PDXDC1: variants seen among roughly 807,000 people sequenced by gnomAD.
The protein encoded by PDXDC1 is pyridoxal dependent decarboxylase domain containing 1.
In PDXDC1, 42 loss-of-function variants were observed where a neutral mutation model predicts 100.1. The ratio of observed to expected loss-of-function variants is 0.42; its 90% CI spans 0.33 to 0.54. The LOEUF (loss-of-function observed/expected upper bound fraction) is 0.54. PDXDC1 is among the 20% of genes least tolerant of loss of function. The pLI, the probability that PDXDC1 is intolerant of heterozygous loss-of-function variation, is 0.10. For missense variants in PDXDC1, 636 were observed against 979.2 expected (o/e 0.65, Z 4.68); for synonymous variants, 260 against 371.7 (o/e 0.70, Z 3.46).
intron 1 of PDXDC1, among the ~76,000 whole-genome samples, chr16:14,982,932 G>A (rs1968332485): frequency 6.6e-6 from 1 of 152,258 alleles, no homozygotes; most frequent in East Asian, 1.9e-4. Flanking sequence ...AGCTGTGGGA[G>A]GCAAGAGTAG....
chr16:15,073,407 T>C (rs1160863784), intron 16 of PDXDC1, among the ~76,000 whole-genome samples: 2 of 152,160 alleles, frequency 1.3e-5, no homozygotes, highest in African/African-American at 4.8e-5. Flanking sequence ...CAGTAAGCCA[T>C]GTTTGTGCGA....
intron 16 of PDXDC1, among the ~76,000 whole-genome samples, chr16:15,097,108 T>C (rs2046384182): frequency 6.6e-6 from 1 of 151,694 alleles, no homozygotes; most frequent in Non-Finnish European, 1.5e-5. Context: ...CAAATAACAC[T>C]TTTAAAAAAC....
intron 13 of PDXDC1, among the ~76,000 whole-genome samples, chr16:15,022,986 C>T (rs2042322389): frequency 6.6e-6 from 1 of 152,286 alleles, no homozygotes; most frequent in South Asian, 2.1e-4. Context: ...TGTTTAATTC[C>T]TATGGTGCTT....
At chr16:15,000,812 A>C (rs911994200) in intron 3 of PDXDC1, among the ~76,000 whole-genome samples, 1 of 151,546 alleles carries the variant, frequency 6.6e-6, no homozygotes, top group African/African-American at 2.4e-5. Context: ...CAAGATCCCT[A>C]TGGAGGAAAA....
intron 3 of PDXDC1, among the ~76,000 whole-genome samples, chr16:14,999,368 A>G (rs1160279016): frequency 6.6e-6 from 1 of 152,068 alleles, no homozygotes; most frequent in African/African-American, 2.4e-5. Flanking sequence ...CACCTGGCCA[A>G]AAATTTTTTA....
intron 16 of PDXDC1, chr16:15,133,808 G>C: frequency 6.3e-7 from 1 of 1,585,438 alleles, no homozygotes. Context: ...TGCATTCGAA[G>C]TGCACCTTGG....
At chr16:15,046,162 C>T (rs1175929823) in intron 16 of PDXDC1, 2 of 152,346 alleles carry the variant, frequency 1.3e-5, no homozygotes, top group Non-Finnish European at 1.5e-5. Flanking sequence ...CTGCATGGGT[C>T]ACGTGTCCAT....
chr16:15,043,767 G>A (rs1051279924), intron 16 of PDXDC1, among the ~76,000 whole-genome samples: 4 of 152,122 alleles, frequency 2.6e-5, no homozygotes, highest in African/African-American at 9.7e-5. Context: ...GGCCAACATG[G>A]TGAAACCCCA....
At chr16:15,066,612 G>T (rs1478412451) in intron 16 of PDXDC1, among the ~76,000 whole-genome samples, 1 of 150,334 alleles carries the variant, frequency 6.7e-6, no homozygotes, top group African/African-American at 2.4e-5. Context: ...CAGCCTGGGT[G>T]ACAGAGCAAG....
downstream of PDXDC1, chr16:15,038,755 G>A (rs996464465): frequency 1.2e-5 from 10 of 812,842 alleles, no homozygotes; most frequent in African/African-American, 6.8e-5. Context: ...TCCCAGTAAC[G>A]CAAGCTCCAG....
intron 16 of PDXDC1, chr16:15,055,596 G>A (rs1441082221): frequency 1.0e-5 from 3 of 290,464 alleles, no homozygotes; most frequent in Middle Eastern, 8.7e-4. Flanking sequence ...GTCGGGGAAT[G>A]GGGGTCCCGG....
In PDXDC1 at chr16:15,112,268, A is replaced by T. The variant is rs1017865434; in HGVS notation, c.1400-26611A>T. ...GACGGAGTGTCAGTCAACCATGCTG[A>T]AGTGCAGTGGCGCTACCTTGGCTCA... On this transcript the variant is annotated intron_variant, in intron 16 of 16. Coordinates refer to the PDXDC1 transcript ENST00000535621. Among the ~76,000 whole-genome samples the T allele has an allele frequency of 1.9e-3, 288 of 148,574 alleles. 6 individuals carry two copies. The highest frequency in any genetic ancestry group is 6.7e-3 in the African/African-American group (276 of 41,210).
intron 16 of PDXDC1, among the ~76,000 whole-genome samples, chr16:15,081,667 A>C (rs1203275517): frequency 1.3e-5 from 2 of 152,144 alleles, no homozygotes; most frequent in Non-Finnish European, 2.9e-5. Context: ...AAGCATAACA[A>C]CGTTTAATTT....
At position 15,094,674 on chromosome 16, in the gene PDXDC1, C is replaced by G. The variant is rs1282463699; in HGVS notation, c.1400-44205C>G. On this transcript the variant is annotated intron_variant, in intron 16 of 16. Coordinates refer to the PDXDC1 transcript ENST00000535621. ...CCCGGCTGACCCAGGAGCCTGGGCTCTATACTCAGTGCAGCAGTCTCACAG... is the reference window on the plus strand; with the variant it reads ...CCCGGCTGACCCAGGAGCCTGGGCTGTATACTCAGTGCAGCAGTCTCACAG... 6 of 238,618 alleles carry G rather than the reference C, an allele frequency of 2.5e-5. No homozygotes were observed. The South Asian group carries it at 2.8e-4, about 11-fold the overall frequency. The allele number at this position is 238,618 out of a possible 1,614,324, so 14.8% of individuals were successfully genotyped here.
At chr16:15,128,253 G>C in intron 16 of PDXDC1, 1 of 1,611,142 alleles carries the variant, frequency 6.2e-7, no homozygotes, top group Non-Finnish European at 8.5e-7. Flanking sequence ...TCTTCCACAC[G>C]CTACCCAGGC....
At chr16:14,994,572 A>C (rs1952984741) in intron 1 of PDXDC1, among the ~76,000 whole-genome samples, 1 of 152,280 alleles carries the variant, frequency 6.6e-6, no homozygotes. Context: ...GTCAGGTAGC[A>C]TGATGCCTCC....
At chr16:15,038,368 T>C (rs2043640015), downstream of PDXDC1, 1 of 582,746 alleles carries the variant, frequency 1.7e-6, no homozygotes, top group South Asian at 2.3e-5. Context: ...GTTGATTGCT[T>C]ACTGCTTTAC....
At chr16:15,003,256 G>A (rs1419441817) in intron 4 of PDXDC1, among the ~76,000 whole-genome samples, 2 of 116,644 alleles carry the variant, frequency 1.7e-5, no homozygotes, top group East Asian at 2.8e-4. Context: ...TTACTCTATT[G>A]CCCAGGCTGG....
At chr16:15,076,142 G>C (rs1479858152) in intron 16 of PDXDC1, among the ~76,000 whole-genome samples, 1 of 152,050 alleles carries the variant, frequency 6.6e-6, no homozygotes, top group Non-Finnish European at 1.5e-5. Context: ...TCTGTCCCAA[G>C]GGCACCTGAA....
Sources: gnomAD v4.1 joint callset for allele counts (sites outside exome capture counted in the v4.1 genomes callset) on GRCh38, gnomAD v4.1.1 for gene constraint, MANE v1.5 for transcripts, NCBI Gene and HGNC (gene_info 2026-07-23, HGNC 2026-07-21) for gene names.